The following PDE11A variants were observed in gnomAD, a reference collection of about 807,000 sequenced individuals.
PDE11A encodes dual 3',5'-cyclic-AMP and -GMP phosphodiesterase 11A.
PDE11A carries 100 observed loss-of-function variants against 100.5 expected under a neutral mutation model. The ratio of observed to expected loss-of-function variants is 1.00; its 90% CI spans 0.85 to 1.18. PDE11A has a LOEUF of 1.18. Among genes scored for constraint, PDE11A ranks in the 50% most tolerant of loss-of-function variants. The pLI is 0.00. For synonymous variants in PDE11A, 381 were observed against 420.8 expected (o/e 0.91, Z 1.16); for missense variants, 1,141 against 1,152.6 (o/e 0.99, Z 0.15).
chr2:177,808,633 T>A (rs766610666), intron 9 of PDE11A, among the ~76,000 whole-genome samples: 76 of 152,292 alleles, frequency 5.0e-4, no homozygotes, highest in Non-Finnish European at 8.8e-4. Flanking sequence ...ACAGAACTAC[T>A]TGGAGAACCT....
intron 2 of PDE11A, among the ~76,000 whole-genome samples, chr2:178,010,344 T>C (rs2086261169): frequency 6.6e-6 from 1 of 152,224 alleles, no homozygotes. Flanking sequence ...CTATTGAACG[T>C]GGGACAAGGT....
chr2:177,995,303 T>C (rs1294014208), intron 2 of PDE11A, among the ~76,000 whole-genome samples: 3 of 152,320 alleles, frequency 2.0e-5, no homozygotes, highest in Non-Finnish European at 2.9e-5. Flanking sequence ...TTAGAGATTA[T>C]TGCCACCAAT....
At chr2:177,830,647 AATC>A (rs1447628617) in intron 6 of PDE11A, among the ~76,000 whole-genome samples, 37 of 128,854 alleles carry the variant, frequency 2.9e-4, no homozygotes, top group African/African-American at 9.5e-4. Flanking sequence ...TAATAATAAT[AATC>A]AGGTGTTGTT....
At chr2:177,715,134 A>G (rs1417774216) in intron 12 of PDE11A, among the ~76,000 whole-genome samples, 1 of 152,214 alleles carries the variant, frequency 6.6e-6, no homozygotes, top group Non-Finnish European at 1.5e-5. Context: ...GAGGATTTGC[A>G]TGACTGAAAA....
intron 9 of PDE11A, among the ~76,000 whole-genome samples, chr2:177,787,655 A>G (rs1440790357): frequency 1.3e-5 from 2 of 149,230 alleles, no homozygotes; most frequent in South Asian, 4.4e-4. Context: ...TCTCACGTGC[A>G]GAGACACACA....
At chr2:177,989,636 G>A (rs759126092) in intron 2 of PDE11A, among the ~76,000 whole-genome samples, 9 of 152,114 alleles carry the variant, frequency 5.9e-5, no homozygotes, top group Non-Finnish European at 1.0e-4. Context: ...CTGGTTGGCA[G>A]GAATCAAGAA....
intron 12 of PDE11A, among the ~76,000 whole-genome samples, chr2:177,718,808 CT>C (rs1217110255): frequency 2.0e-5 from 3 of 152,038 alleles, no homozygotes; most frequent in East Asian, 3.8e-4. Context: ...TTTGTACATT[CT>C]TTTTTGTTTC....
chr2:178,064,387 C>A (rs543617609), intron 1 of PDE11A, among the ~76,000 whole-genome samples: 1 of 152,144 alleles, frequency 6.6e-6, no homozygotes, highest in African/African-American at 2.4e-5. Flanking sequence ...CAGAATCTCA[C>A]GAATAAACAG....
At chr2:177,810,236 C>G (rs983036991) in intron 9 of PDE11A, among the ~76,000 whole-genome samples, 15 of 152,170 alleles carry the variant, frequency 9.9e-5, no homozygotes, top group African/African-American at 3.4e-4. Flanking sequence ...GTTGTCATGG[C>G]AGACAAAATG....
rs80188629 is a variant in PDE11A, at chr2:177,857,777, A to G, written c.1368-17394T>C. 7.2e-3 allele frequency among the ~76,000 whole-genome samples: 1,103 copies of G among 152,190 alleles called. 13 individuals are homozygous for G. Among genetic ancestry groups the G allele is most frequent in the African/African-American group, 0.025 (1,027 of 41,536 alleles). On this transcript the variant is annotated intron_variant, in intron 5 of 19. Transcript: ENST00000286063. The stretch of plus-strand genomic sequence containing the variant: ...ATAAAATAACATGATCCAATTTTAC[A>G]CTGTCTACAAGGGACATACTTTAGA...
At chr2:177,853,826 G>GTGTGTATATATATCTATATA (rs1385477696) in intron 5 of PDE11A, among the ~76,000 whole-genome samples, 2 of 140,790 alleles carry the variant, frequency 1.4e-5, no homozygotes, top group African/African-American at 5.2e-5. Context: ...GTATATATAT[G>GTGTGTATATATATCTATATA]TGTGTATATA....
At chr2:177,845,735 G>C (rs1005552499) in intron 5 of PDE11A, among the ~76,000 whole-genome samples, 1 of 152,176 alleles carries the variant, frequency 6.6e-6, no homozygotes, top group Non-Finnish European at 1.5e-5. Flanking sequence ...CTCCAGCCTG[G>C]GCACCATTGA....
chr2:178,021,136 T>C (rs1272272266), intron 1 of PDE11A, among the ~76,000 whole-genome samples: 1 of 152,002 alleles, frequency 6.6e-6, no homozygotes, highest in Admixed American at 6.6e-5. Flanking sequence ...TAATTTTGTG[T>C]TTTTAGTAGA....
intron 2 of PDE11A, 51 bp from the exon 3 acceptor site, chr2:177,905,238 T>C (rs747980879): frequency 1.0e-6 from 1 of 977,414 alleles, no homozygotes; most frequent in Non-Finnish European, 1.7e-6. Context: ...CATTGATACA[T>C]CCCTTGTAGA....
At chr2:177,836,692 C>G (rs1050750294) in intron 6 of PDE11A, among the ~76,000 whole-genome samples, 1 of 152,196 alleles carries the variant, frequency 6.6e-6, no homozygotes, top group African/African-American at 2.4e-5. Context: ...TGAGCTGTAA[C>G]ACTCACAGCG....
intron 2 of PDE11A, among the ~76,000 whole-genome samples, chr2:177,972,004 A>G (rs2085777011): frequency 2.0e-5 from 3 of 152,346 alleles, no homozygotes; most frequent in South Asian, 2.1e-4. Flanking sequence ...TAAGAAATAC[A>G]TATCACTTTC....
chr2:177,739,368 C>A (rs2081839856), intron 10 of PDE11A, among the ~76,000 whole-genome samples: 1 of 152,138 alleles, frequency 6.6e-6, no homozygotes, highest in South Asian at 2.1e-4. Context: ...TGGTGCAAAG[C>A]CACTGCCAGA....
In PDE11A at chr2:177,915,062, A is replaced by G. The variant is rs1010453718; in HGVS notation, c.1072-9875T>C. ...AGTAGATTTTTTTTAGGGCAGTTTT[A>G]GGTTTACAGAAAAGTTAAGTGGAAA... On this transcript the variant is annotated intron_variant, in intron 2 of 19. Coordinates refer to ENST00000286063, the MANE Select transcript of PDE11A (RefSeq NM_016953.4). 2.6e-5 allele frequency among the ~76,000 whole-genome samples: 4 copies of G among 152,198 alleles called. No individual in the cohort carries two copies. In the South Asian group the frequency reaches 6.2e-4, roughly 24 times the overall value.
intron 10 of PDE11A, among the ~76,000 whole-genome samples, chr2:177,752,337 T>C (rs987698468): frequency 2.0e-5 from 3 of 152,226 alleles, no homozygotes; most frequent in Admixed American, 6.5e-5. Context: ...TAGACTCTTA[T>C]AATGGTAACA....
Sources: allele counts gnomAD v4.1 joint callset (sites outside exome capture counted in the v4.1 genomes callset), GRCh38; gene constraint gnomAD v4.1.1; transcripts MANE v1.5; gene names NCBI Gene and HGNC (gene_info 2026-07-23, HGNC 2026-07-21).